The following PI4KA variants were observed in gnomAD, a reference collection of about 807,000 sequenced individuals.
The protein encoded by PI4KA is PI4-kinase alpha.
A neutral mutation model predicts 271.4 loss-of-function variants in PI4KA; 122 were observed. The ratio of observed to expected loss-of-function variants is 0.45; its 90% CI spans 0.39 to 0.52. PI4KA has a LOEUF of 0.52. Among genes scored for constraint, PI4KA ranks in the 20% least tolerant of loss-of-function variants. PI4KA has a pLI of 0.00. For missense variants in PI4KA, 1,969 were observed against 2,769.1 expected (o/e 0.71, Z 6.48); for synonymous variants, 1,041 against 1,078.8 (o/e 0.96, Z 0.69).
chr22:20,757,336 A>G (rs1258797104), intron 23 of PI4KA, among the ~76,000 whole-genome samples: 1 of 152,218 alleles, frequency 6.6e-6, no homozygotes, highest in East Asian at 1.9e-4. Context: ...GTGGAAGAGT[A>G]CAATGTACTG....
In PI4KA at chr22:20,779,525, A is replaced by T. The variant is rs1933580929; in HGVS notation, c.2328+13668T>A. On this transcript the variant is annotated intron_variant, in intron 19 of 54. Coordinates refer to ENST00000255882, the MANE Select transcript of PI4KA (RefSeq NM_058004.4). Reference sequence around the variant, plus strand: ...ACACCGTCACCAACGACTGGATTCCAGAGGGGGAGGAGGACGACGACTATC... The same window carrying T: ...ACACCGTCACCAACGACTGGATTCCTGAGGGGGAGGAGGACGACGACTATC... 3.7e-6 allele frequency: 6 copies of T among 1,613,876 alleles called. No homozygotes were observed. Among genetic ancestry groups the T allele is most frequent in the Non-Finnish European group, 5.1e-6 (6 of 1,179,820 alleles).
Position 20,734,381 on chromosome 22 carries a change from G to C in PI4KA, c.3900+14C>G, listed in dbSNP as rs1677149645. On this transcript the variant is annotated intron_variant, in intron 33 of 54. Transcript: ENST00000255882. Reference sequence around the variant, plus strand: ...GGAGCACCCCACAGCCTTCGTGGGGGAACAGGCACGTACGTCGATCCAGAT... The same window carrying C: ...GGAGCACCCCACAGCCTTCGTGGGGCAACAGGCACGTACGTCGATCCAGAT... The C allele has an allele frequency of 6.4e-7, 1 of 1,559,372 alleles. No homozygotes were observed. Among genetic ancestry groups the C allele is most frequent in the South Asian group, 1.1e-5 (1 of 88,474 alleles).
chr22:20,776,806 G>A (rs1272097511), intron 19 of PI4KA, among the ~76,000 whole-genome samples: 2 of 152,186 alleles, frequency 1.3e-5, no homozygotes, highest in African/African-American at 2.4e-5. Flanking sequence ...TATACAGCGT[G>A]TCAGGCATCC....
chr22:20,721,473 C>T (rs1046247035), intron 42 of PI4KA, 55 bp from the exon 43 acceptor site: 1 of 1,598,742 alleles, frequency 6.3e-7, no homozygotes. Flanking sequence ...ATGAGGAGGG[C>T]CTTGTCAGCA....
intron 19 of PI4KA, among the ~76,000 whole-genome samples, chr22:20,767,936 A>ATTATT (rs1932680599): frequency 7.1e-6 from 1 of 141,544 alleles, no homozygotes; most frequent in Non-Finnish European, 1.5e-5. Flanking sequence ...CACCTGGCCT[A>ATTATT]ATTATTATTA....
intron 6 of PI4KA, 131 bp from the exon 7 acceptor site, chr22:20,818,680 C>CTA: frequency 1.7e-6 from 1 of 586,750 alleles, no homozygotes; most frequent in Non-Finnish European, 2.8e-6. Flanking sequence ...CATTTCCTTC[C>CTA]TAAAGCCCAT....
Position 20,749,991 on chromosome 22 carries a change from T to G in PI4KA, c.3157A>C (p.Ile1053Leu). The G allele has an allele frequency of 1.2e-6, 2 of 1,610,914 alleles. No individual in the cohort carries two copies. Among genetic ancestry groups the G allele is most frequent in the Non-Finnish European group, 1.7e-6 (2 of 1,177,094 alleles). ...CAGCGTGCAGCGAAGTCCTTCACAATGCTCTGGAAGAGGGTGAAGCTGCTT... is the reference window on the plus strand; with the variant it reads ...CAGCGTGCAGCGAAGTCCTTCACAAGGCTCTGGAAGAGGGTGAAGCTGCTT... ...VPDTYEARES[I>L]VKDFAARCGM... is the part of the protein sequence containing the mutation. The change falls in exon 28 of 55, where the codon ATT (isoleucine) becomes CTT (leucine). Residue 1053 changes from isoleucine (I) to leucine (L), a missense_variant. Physicochemically the swap from Ile to Leu is conservative, Grantham distance 5. Coordinates refer to ENST00000255882, the MANE Select transcript of PI4KA (RefSeq NM_058004.4).
intron 23 of PI4KA, among the ~76,000 whole-genome samples, chr22:20,755,449 C>T (rs1355547949): frequency 6.6e-6 from 1 of 152,114 alleles, no homozygotes; most frequent in Admixed American, 6.5e-5. Flanking sequence ...TATTTAGAAA[C>T]CAAGATCTGA....
chr22:20,727,508 C>T (rs191234931), intron 40 of PI4KA, 111 bp from the exon 41 acceptor site: 21 of 1,045,910 alleles, frequency 2.0e-5, no homozygotes, highest in South Asian at 8.4e-5. Context: ...TTCTAAGCAT[C>T]GGTAACCATG....
chr22:20,776,291 T>A (rs1933265344), intron 19 of PI4KA, among the ~76,000 whole-genome samples: 1 of 152,100 alleles, frequency 6.6e-6, no homozygotes, highest in South Asian at 2.1e-4. Context: ...GCCACTGCAC[T>A]CCAGCCTGGG....
Position 20,707,933 on chromosome 22 carries a change from G to C in PI4KA, c.*114C>G. ...CAGGAGGCGCTACCAGGTTCTTTGGGCCACAGGCCTCTCCTCCACTGCATG... is the reference window on the plus strand; with the variant it reads ...CAGGAGGCGCTACCAGGTTCTTTGGCCCACAGGCCTCTCCTCCACTGCATG... On this transcript the variant is annotated 3_prime_UTR_variant, in exon 55 of 55. Transcript: ENST00000255882. 1 of 972,204 alleles carries C rather than the reference G, an allele frequency of 1.0e-6. No individual in the cohort carries two copies. The highest frequency in any genetic ancestry group is 1.7e-6 in the Non-Finnish European group (1 of 596,160). The allele number at this position is 972,204 out of a possible 1,614,324, so 60.2% of individuals were successfully genotyped here.
chr22:20,762,291 C>T lies in PI4KA; in HGVS notation c.2709-905G>A, dbSNP rs146528470. On this transcript the variant is annotated intron_variant, in intron 22 of 54. Transcript: ENST00000255882. ...GGCAGGCCAGGTGACTTTCAGCACA[C>T]GCATTCGAGTGTGCACGTGCACACA... is the stretch of plus-strand genomic sequence containing the variant. Among the ~76,000 whole-genome samples, 1,155 of 152,272 alleles carry T rather than the reference C, an allele frequency of 7.6e-3. 12 individuals are homozygous for T. The highest frequency in any genetic ancestry group is 0.056 in the East Asian group (289 of 5,180).
chr22:20,851,365 G>A (rs1359816475), intron 1 of PI4KA, among the ~76,000 whole-genome samples: 5 of 151,834 alleles, frequency 3.3e-5, no homozygotes, highest in South Asian at 2.1e-4. Context: ...TTTGTGTGAC[G>A]GAGTCTTGCT....
rs761123533 is a variant in PI4KA, at chr22:20,802,108, G to A, written c.1592-3C>T. The A allele has an allele frequency of 6.2e-7, 1 of 1,613,232 alleles. No homozygotes were observed. The highest frequency in any genetic ancestry group is 8.5e-7 in the Non-Finnish European group (1 of 1,179,590). ...GATTTTTATATCATTGCCAGCAACT[G>A]AAAGTAAAAAATTCAAATATATACC... On this transcript the variant is annotated splice_region_variant and splice_polypyrimidine_tract_variant and intron_variant, in intron 13 of 54. Transcript: ENST00000255882.
intron 19 of PI4KA, among the ~76,000 whole-genome samples, chr22:20,769,700 A>C (rs1458691588): frequency 6.6e-6 from 1 of 152,000 alleles, no homozygotes; most frequent in Non-Finnish European, 1.5e-5. Context: ...TCAGGGGGGA[A>C]GTGGGAAGAC....
chr22:20,805,235 G>T, intron 10 of PI4KA, 70 bp from the exon 11 acceptor site: 1 of 1,083,272 alleles, frequency 9.2e-7, no homozygotes. Context: ...GCTAGCAGCG[G>T]CTACAGTCTT....
At chr22:20,856,722 C>G (rs1048890348) in intron 1 of PI4KA, among the ~76,000 whole-genome samples, 1 of 152,124 alleles carries the variant, frequency 6.6e-6, no homozygotes, top group African/African-American at 2.4e-5. Context: ...CATGAGCCAC[C>G]GTGCCCCATC....
chr22:20,722,552 C>G (rs1003286078), intron 42 of PI4KA, among the ~76,000 whole-genome samples: 1 of 152,180 alleles, frequency 6.6e-6, no homozygotes, highest in Non-Finnish European at 1.5e-5. Flanking sequence ...ATCCTAAGGA[C>G]CTATCCTCCT....
rs770810124 is a variant in PI4KA, at chr22:20,710,877, C to T, written c.5924-19G>A. ...CCAAAGTCTGCAAAACCCCAAAGAGCTGCCTGTGACTGGGTAGGAGCCAGG... is the reference window on the plus strand; with the variant it reads ...CCAAAGTCTGCAAAACCCCAAAGAGTTGCCTGTGACTGGGTAGGAGCCAGG... On this transcript the variant is annotated intron_variant, in intron 51 of 54. Coordinates refer to ENST00000255882, the MANE Select transcript of PI4KA (RefSeq NM_058004.4). The T allele has an allele frequency of 5.0e-6, 8 of 1,610,676 alleles. No homozygotes were observed. The highest frequency in any genetic ancestry group is 2.2e-4 in the Middle Eastern group (1 of 4,566).
Sources: allele counts gnomAD v4.1 joint callset (sites outside exome capture counted in the v4.1 genomes callset), GRCh38; gene constraint gnomAD v4.1.1; transcripts MANE v1.5; gene names NCBI Gene and HGNC (gene_info 2026-07-23, HGNC 2026-07-21).